Variants in TJP1 observed in about 807,000 individuals in gnomAD.
TJP1 encodes tight junction protein 1, also known as tight junction protein ZO-1.
A neutral mutation model predicts 194.2 loss-of-function variants in TJP1; 43 were observed. The observed-to-expected ratio is 0.22, with a 90% CI of 0.17 to 0.29. The LOEUF is 0.29. Ranked by LOEUF, TJP1 falls within the 10% of genes least tolerant of loss-of-function variation. The pLI is 1.00. For synonymous variants in TJP1, 801 were observed against 779.0 expected (o/e 1.03, Z -0.47); for missense variants, 1,971 against 2,185.7 (o/e 0.90, Z 1.96).
At chr15:29,855,476 A>G (rs952988571) in intron 2 of TJP1, among the ~76,000 whole-genome samples, 2 of 152,218 alleles carry the variant, frequency 1.3e-5, no homozygotes, top group African/African-American at 4.8e-5. Context: ...CATTGTATAC[A>G]TGTATCAAAA....
chr15:29,933,717 C>T (rs1444397172), intron 2 of TJP1, among the ~76,000 whole-genome samples: 1 of 152,046 alleles, frequency 6.6e-6, no homozygotes, highest in African/African-American at 2.4e-5. Context: ...TATCTGTCTA[C>T]CTTCTCTGGG....
At chr15:29,729,090 T>A (rs1164573508) in intron 15 of TJP1, 1 of 152,174 alleles carries the variant, frequency 6.6e-6, no homozygotes, top group African/African-American at 2.4e-5. Flanking sequence ...AATCCTAAGT[T>A]TGGTTATGGG....
chr15:29,758,026 TA>T (rs769950796), intron 8 of TJP1, among the ~76,000 whole-genome samples: 1 of 152,244 alleles, frequency 6.6e-6, no homozygotes, highest in Non-Finnish European at 1.5e-5. Context: ...TAATGAACAG[TA>T]AATGTATTTT....
At chr15:29,732,934 T>C (rs1415750236) in intron 13 of TJP1, 119 bp from the exon 14 acceptor site, 53 of 1,249,062 alleles carry the variant, frequency 4.2e-5, no homozygotes, top group Non-Finnish European at 5.6e-5. Flanking sequence ...TAAATCTTAA[T>C]GGTTATAATA....
intron 1 of TJP1, among the ~76,000 whole-genome samples, chr15:29,960,635 C>CAAAAA (rs3085441): frequency 2.6e-4 from 31 of 117,904 alleles, no homozygotes; most frequent in African/African-American, 9.7e-4. Flanking sequence ...GACCATGTCT[C>CAAAAA]AAAAAAAAAA....
chr15:29,953,055 T>C (rs2055808474), intron 2 of TJP1, among the ~76,000 whole-genome samples: 1 of 152,072 alleles, frequency 6.6e-6, no homozygotes, highest in Non-Finnish European at 1.5e-5. Flanking sequence ...TCTGAATACC[T>C]TTCATCTTCT....
intron 18 of TJP1, among the ~76,000 whole-genome samples, chr15:29,721,152 T>G (rs1380507109): frequency 6.6e-6 from 1 of 152,176 alleles, no homozygotes; most frequent in African/African-American, 2.4e-5. Context: ...GTTCAAAAGT[T>G]GAATAAGAGC....
chr15:29,750,282 C>T (rs369493552), intron 8 of TJP1, among the ~76,000 whole-genome samples: 2 of 152,016 alleles, frequency 1.3e-5, no homozygotes, highest in African/African-American at 4.8e-5. Context: ...GGATTACAGG[C>T]GTGAGCCACC....
chr15:29,913,456 C>T (rs2054086254), intron 2 of TJP1, among the ~76,000 whole-genome samples: 1 of 152,186 alleles, frequency 6.6e-6, no homozygotes, highest in Non-Finnish European at 1.5e-5. Flanking sequence ...TGTGCACACA[C>T]ATTTGTACAT....
chr15:29,808,140 T>A (rs2049232276), intron 1 of TJP1, among the ~76,000 whole-genome samples: 1 of 152,096 alleles, frequency 6.6e-6, no homozygotes. Flanking sequence ...TGGGGGCACA[T>A]GCCTGTAATC....
intron 2 of TJP1, among the ~76,000 whole-genome samples, chr15:29,954,953 G>A (rs941897519): frequency 2.0e-5 from 3 of 151,994 alleles, no homozygotes; most frequent in Non-Finnish European, 2.9e-5. Flanking sequence ...GGTGGCGGGC[G>A]CCTGTAATCC....
rs180680980 is a variant in TJP1 at position 29,837,125 on chromosome 15, T to C, written c.307-36423A>G. 1.6e-4 allele frequency among the ~76,000 whole-genome samples: 25 copies of C among 152,372 alleles called. No individual in the cohort carries two copies. In the East Asian group the frequency reaches 4.8e-3, roughly 29 times the overall value. Reference sequence around the variant, plus strand: ...AGGTGAAATATATTATTCTGTATTATTTACTTTTCTGTAACATAAATGTTA... The same window carrying C: ...AGGTGAAATATATTATTCTGTATTACTTACTTTTCTGTAACATAAATGTTA... On this transcript the variant is annotated intron_variant, in intron 2 of 28. Transcript: ENST00000356107.
intron 24 of TJP1, among the ~76,000 whole-genome samples, chr15:29,710,358 C>T (rs1246881145): frequency 1.3e-5 from 2 of 152,096 alleles, no homozygotes; most frequent in Non-Finnish European, 2.9e-5. Flanking sequence ...AAATGCCTGT[C>T]CACAGCAGAA....
At chr15:29,926,217 A>G (rs934371869) in intron 2 of TJP1, among the ~76,000 whole-genome samples, 1 of 152,244 alleles carries the variant, frequency 6.6e-6, no homozygotes, top group Non-Finnish European at 1.5e-5. Context: ...GCAAAAGCTG[A>G]TATTTTTTTA....
At chr15:29,843,744 G>C (rs1232934831) in intron 2 of TJP1, among the ~76,000 whole-genome samples, 8 of 152,204 alleles carry the variant, frequency 5.3e-5, no homozygotes, top group Admixed American at 4.6e-4. Context: ...GAAGGAGGAG[G>C]ATAGGGCATC....
At chr15:29,886,375 T>G (rs2053115829) in intron 2 of TJP1, among the ~76,000 whole-genome samples, 1 of 152,116 alleles carries the variant, frequency 6.6e-6, no homozygotes, top group Non-Finnish European at 1.5e-5. Flanking sequence ...ACCTAAATAT[T>G]AAAAAGGAAG....
chr15:29,809,946 T>C (rs2049376616), intron 1 of TJP1, among the ~76,000 whole-genome samples: 1 of 152,226 alleles, frequency 6.6e-6, no homozygotes, highest in African/African-American at 2.4e-5. Flanking sequence ...AAGACATCTT[T>C]TAGAGATATA....
chr15:29,708,878 T>G lies in TJP1; in HGVS notation c.4531A>C (p.Asn1511His). 6.2e-7 allele frequency: 1 copy of G among 1,614,182 alleles called. No homozygotes were observed. Among genetic ancestry groups the G allele is most frequent in the Non-Finnish European group, 8.5e-7 (1 of 1,180,044 alleles). The change falls in exon 25 of 28, where the codon AAT becomes CAT. Residue 1511 changes from asparagine to histidine, a missense_variant. This residue lies in a region of TJP1 where 1,108 missense variants were observed against 1,128.5 expected (regional missense o/e 0.98). Coordinates refer to ENST00000614355, the MANE Select transcript of TJP1 (RefSeq NM_001330239.4). ...QKSFPDKAPV[N>H]GTEQTQKTVT... ...GTTTTCTGAGTCTGTTCAGTTCCATTAACTGGGGCTTTATCTGGAAAACTT... is the reference window on the plus strand; with the variant it reads ...GTTTTCTGAGTCTGTTCAGTTCCATGAACTGGGGCTTTATCTGGAAAACTT...
chr15:29,923,085 C>T (rs1485816182), intron 2 of TJP1, among the ~76,000 whole-genome samples: 1 of 152,168 alleles, frequency 6.6e-6, no homozygotes, highest in East Asian at 1.9e-4. Context: ...CAAGTTCCTT[C>T]CAGCTTTTGG....
Sources: allele counts gnomAD v4.1 joint callset (sites outside exome capture counted in the v4.1 genomes callset), GRCh38; gene constraint gnomAD v4.1.1; regional missense constraint gnomAD v4.1.1; transcripts MANE v1.5; gene names NCBI Gene and HGNC (gene_info 2026-07-23, HGNC 2026-07-21).